The following FOXN2 variants were observed in gnomAD, a reference collection of about 807,000 sequenced individuals.
FOXN2 encodes forkhead box protein N2.
In FOXN2, 19 loss-of-function variants were observed where a neutral mutation model predicts 41.2. That is an observed-to-expected ratio of 0.46 (90% CI 0.32 to 0.68). The LOEUF (loss-of-function observed/expected upper bound fraction) is 0.68. Ranked by LOEUF, FOXN2 falls within the 30% of genes least tolerant of loss-of-function variation. The pLI is 0.03. For synonymous variants in FOXN2, 195 were observed against 176.8 expected (o/e 1.10, Z -0.82); for missense variants, 587 against 509.4 (o/e 1.15, Z -1.47).
chr2:48,358,722 G>T (rs1445503585), intron 3 of FOXN2, among the ~76,000 whole-genome samples: 1 of 152,112 alleles, frequency 6.6e-6, no homozygotes, highest in East Asian at 1.9e-4. Flanking sequence ...AGTAAATTTT[G>T]TTGTTATCTA....
rs771387745 is a variant in FOXN2, at chr2:48,346,455, A to G, written c.241A>G (p.Ile81Val). The G allele has an allele frequency of 4.1e-5, 66 of 1,613,700 alleles. No individual in the cohort carries two copies. The highest frequency in any genetic ancestry group is 5.0e-5 in the Non-Finnish European group (59 of 1,179,934). The change falls in exon 3 of 7, where the codon ATT becomes GTT. Residue 81 changes from isoleucine to valine, a missense_variant. Physicochemically the swap from Ile to Val is conservative, Grantham distance 29. Coordinates refer to ENST00000340553, the MANE Select transcript of FOXN2 (RefSeq NM_002158.4). The part of the protein sequence containing the change: ...NFSLGSEGLP[I>V]VSPLYDIEGD... ...CAGCCTCGGAAGTGAGGGTCTTCCA[A>G]TTGTTAGTCCATTGTATGACATAGA...
chr2:48,337,716 C>T (rs1435895979), intron 2 of FOXN2, among the ~76,000 whole-genome samples: 1 of 151,998 alleles, frequency 6.6e-6, no homozygotes, highest in Non-Finnish European at 1.5e-5. Context: ...TATATAATTT[C>T]AAATAGACTT....
chr2:48,347,251 C>T (rs1671171458), intron 3 of FOXN2, among the ~76,000 whole-genome samples: 1 of 106,672 alleles, frequency 9.4e-6, no homozygotes, highest in Admixed American at 1.3e-4. Flanking sequence ...TTTTGTGAGA[C>T]AGTCTCGATC....
At position 48,373,510 on chromosome 2, in the gene FOXN2, T is replaced by C. The variant is rs530831401; in HGVS notation, c.772+150T>C. 1.5e-5 allele frequency: 8 copies of C among 520,238 alleles called. No homozygotes were observed. In the African/African-American group the frequency reaches 1.6e-4, roughly 11 times the overall value. The allele number at this position is 520,238 out of a possible 1,614,324, so 32.2% of individuals were successfully genotyped here. A position where few individuals can be genotyped will look rare whatever the true frequency, so the allele number is the denominator to read the frequency against. ...ACTCAGTTTCTGTTTTATTATACTTTCATTAATTTATGTGAGCAATTGAGA... is the reference window on the plus strand; with the variant it reads ...ACTCAGTTTCTGTTTTATTATACTTCCATTAATTTATGTGAGCAATTGAGA... On this transcript the variant is annotated intron_variant, in intron 6 of 6. Coordinates refer to ENST00000340553, the MANE Select transcript of FOXN2 (RefSeq NM_002158.4).
chr2:48,337,863 A>G (rs763708171), intron 2 of FOXN2, among the ~76,000 whole-genome samples: 1 of 152,220 alleles, frequency 6.6e-6, no homozygotes, highest in Admixed American at 6.5e-5. Flanking sequence ...AAAAAATTGA[A>G]AAGTTTTTCC....
intron 2 of FOXN2, among the ~76,000 whole-genome samples, 185 bp from the exon 3 acceptor site, chr2:48,346,016 T>C (rs1201749258): frequency 6.6e-6 from 1 of 152,196 alleles, no homozygotes; most frequent in Non-Finnish European, 1.5e-5. Context: ...TTTCAACTAA[T>C]ATAAGTTATT....
intron 3 of FOXN2, among the ~76,000 whole-genome samples, chr2:48,351,219 C>T (rs1163918309): frequency 6.6e-6 from 1 of 152,012 alleles, no homozygotes; most frequent in African/African-American, 2.4e-5. Context: ...GTCTCAGCCT[C>T]CCAAAGTGCT....
intron 3 of FOXN2, among the ~76,000 whole-genome samples, chr2:48,351,902 TAA>T: frequency 6.6e-6 from 1 of 152,250 alleles, no homozygotes; most frequent in Admixed American, 6.5e-5. Flanking sequence ...TTTAGAAGGG[TAA>T]CATATGCCAA....
intron 5 of FOXN2, among the ~76,000 whole-genome samples, chr2:48,364,590 A>C (rs531915213): frequency 6.6e-6 from 1 of 152,230 alleles, no homozygotes; most frequent in East Asian, 1.9e-4. Context: ...TTCATTGAAA[A>C]TAGGATTGAA....
rs1201166256 is a variant in FOXN2 at position 48,357,765 on chromosome 2, A to G, written c.538-1282A>G. ...GCTAACATTTTTTTCCTTGTCATCAAAACACATTTATCATTTGGTCCAGGT... is the reference window on the plus strand; with the variant it reads ...GCTAACATTTTTTTCCTTGTCATCAGAACACATTTATCATTTGGTCCAGGT... On this transcript the variant is annotated intron_variant, in intron 3 of 6. Transcript: ENST00000340553. Among the ~76,000 whole-genome samples the G allele has an allele frequency of 2.6e-5, 4 of 152,024 alleles. No homozygotes were observed. The East Asian group carries it at 5.8e-4, about 22-fold the overall frequency.
At chr2:48,318,167 A>G (rs767135396) in intron 1 of FOXN2, among the ~76,000 whole-genome samples, 4 of 152,318 alleles carry the variant, frequency 2.6e-5, no homozygotes, top group East Asian at 1.9e-4. Context: ...AATTTCCTAC[A>G]TTACAATGGT....
At chr2:48,357,862 GAAAA>G (rs200738115) in intron 3 of FOXN2, among the ~76,000 whole-genome samples, 11,094 of 113,700 alleles carry the variant, frequency 0.098, 555 homozygotes, top group Non-Finnish European at 0.14. Flanking sequence ...GTCTTTTATT[GAAAA>G]AAAAAAAAAA....
intron 2 of FOXN2, among the ~76,000 whole-genome samples, chr2:48,334,937 C>G (rs139499407): frequency 4.5e-4 from 69 of 152,308 alleles, no homozygotes; most frequent in Middle Eastern, 3.4e-3. Flanking sequence ...AGCTCTCACA[C>G]TAGTTTGCAG....
At chr2:48,360,194 C>T (rs1485918142) in intron 4 of FOXN2, among the ~76,000 whole-genome samples, 1 of 151,838 alleles carries the variant, frequency 6.6e-6, no homozygotes, top group African/African-American at 2.4e-5. Context: ...TTTTTGTTTC[C>T]TTTTTCTAAA....
intron 1 of FOXN2, among the ~76,000 whole-genome samples, chr2:48,315,658 G>A (rs576619718): frequency 6.6e-6 from 1 of 152,306 alleles, no homozygotes; most frequent in Non-Finnish European, 1.5e-5. Flanking sequence ...CGGCAGGACG[G>A]TGGTAGTTAG....
chr2:48,363,090 G>A (rs1225711416), intron 5 of FOXN2, among the ~76,000 whole-genome samples: 1 of 152,062 alleles, frequency 6.6e-6, no homozygotes, highest in Non-Finnish European at 1.5e-5. Context: ...GGTCCTTTAG[G>A]AGGTATTCTA....
Position 48,346,485 on chromosome 2 carries a change from G to A in FOXN2, c.271G>A (p.Asp91Asn), listed in dbSNP as rs1040339073. The change falls in exon 3 of 7, where the codon GAT (aspartate) becomes AAT (asparagine). Residue 91 changes from aspartate to asparagine, a missense_variant. Asp to Asn is a conservative substitution (Grantham distance 23, BLOSUM62 1). Transcript: ENST00000340553. Reference protein sequence around the residue: ...IVSPLYDIEGDDVPSFGPACY... With the variant: ...IVSPLYDIEGNDVPSFGPACY... ...TAGTCCATTGTATGACATAGAGGGA[G>A]ATGATGTGCCATCCTTTGGACCAGC... is the stretch of plus-strand genomic sequence containing the variant. 3.1e-6 allele frequency: 5 copies of A among 1,613,990 alleles called. No homozygotes were observed. Among genetic ancestry groups the A allele is most frequent in the South Asian group, 1.1e-5 (1 of 91,072 alleles).
At chr2:48,344,439 T>A (rs1265745937) in intron 2 of FOXN2, among the ~76,000 whole-genome samples, 4 of 152,302 alleles carry the variant, frequency 2.6e-5, no homozygotes, top group Non-Finnish European at 5.9e-5. Flanking sequence ...CATATTGTGG[T>A]TAGAGTTTTG....
chr2:48,349,643 C>T (rs1015920629), intron 3 of FOXN2, among the ~76,000 whole-genome samples: 1 of 152,106 alleles, frequency 6.6e-6, no homozygotes, highest in Admixed American at 6.5e-5. Flanking sequence ...GACATGGTGG[C>T]ATATGCCTGT....
Sources: gnomAD v4.1 joint callset for allele counts (sites outside exome capture counted in the v4.1 genomes callset) on GRCh38, gnomAD v4.1.1 for gene constraint, MANE v1.5 for transcripts, NCBI Gene and HGNC (gene_info 2026-07-23, HGNC 2026-07-21) for gene names.